Variants in CENPP observed in about 807,000 individuals in gnomAD.
CENPP encodes the protein centromere protein P.
CENPP carries 24 observed loss-of-function variants against 35.6 expected under a neutral mutation model. That is an observed-to-expected ratio of 0.67 (90% CI 0.49 to 0.95). CENPP has a LOEUF of 0.95. Ranked by LOEUF, CENPP falls within the 40% of genes least tolerant of loss-of-function variation. The probability of loss-of-function intolerance (pLI) is 0.00; values close to 1 mark genes in which losing one functional copy is unlikely to be tolerated. For missense variants in CENPP, 332 were observed against 345.3 expected (o/e 0.96, Z 0.31); for synonymous variants, 120 against 125.5 (o/e 0.96, Z 0.29).
At chr9:92,562,205 T>TC (rs1430377542) in intron 5 of CENPP, among the ~76,000 whole-genome samples, 3 of 142,854 alleles carry the variant, frequency 2.1e-5, no homozygotes, top group East Asian at 4.0e-4. Flanking sequence ...TTTTTTTCTT[T>TC]TCTTTTTTTT....
rs753913660 is a variant in CENPP, at chr9:92,522,240, C to T, written c.565-89074C>T. ...TAGCTGGGATTACAGGTACATGCCACCACACCCGGCTAATTTTTTGTATTT... is the reference window on the plus strand; with the variant it reads ...TAGCTGGGATTACAGGTACATGCCATCACACCCGGCTAATTTTTTGTATTT... On this transcript the variant is annotated intron_variant, in intron 5 of 7. Coordinates refer to ENST00000375587, the MANE Select transcript of CENPP (RefSeq NM_001012267.3). 5.4e-4 allele frequency among the ~76,000 whole-genome samples: 82 copies of T among 152,020 alleles called. 1 individual carries two copies. Among genetic ancestry groups the T allele is most frequent in the Admixed American group, 2.6e-4 (4 of 15,254 alleles).
chr9:92,415,852 T>C (rs1843578246), intron 5 of CENPP, among the ~76,000 whole-genome samples: 1 of 146,462 alleles, frequency 6.8e-6, no homozygotes, highest in African/African-American at 2.5e-5. Flanking sequence ...TAAAAAAATA[T>C]ATATATATAA....
In CENPP at chr9:92,619,618, CCA is replaced by C. The variant is rs971124798; in HGVS notation, c.*6474_*6475del. The C allele has an allele frequency of 1.6e-5, 24 of 1,455,552 alleles. No individual in the cohort carries two copies. The Admixed American group carries it at 3.9e-4, about 24-fold the overall frequency. The allele number at this position is 1,455,552 out of a possible 1,614,324, so 90.2% of individuals were successfully genotyped here. A position where few individuals can be genotyped will look rare whatever the true frequency, so the allele number is the denominator to read the frequency against. On this transcript the variant is annotated 3_prime_UTR_variant, in exon 8 of 8. Coordinates refer to ENST00000375587, the MANE Select transcript of CENPP (RefSeq NM_001012267.3). ...GGTCACACAGGAAGCCTCTGCCCCC[CCA>C]CACAACCTTCCTTCCCAGTAGCCAA...
At chr9:92,460,179 C>T (rs1167279520) in intron 5 of CENPP, among the ~76,000 whole-genome samples, 7 of 151,374 alleles carry the variant, frequency 4.6e-5, no homozygotes, top group South Asian at 2.1e-4. Flanking sequence ...GGATTACAGG[C>T]GCCCTCCACC....
chr9:92,511,963 C>T, intron 5 of CENPP: 1 of 1,406,898 alleles, frequency 7.1e-7, no homozygotes. Flanking sequence ...CAATGCAAGT[C>T]ATAGTGAAGC....
intron 5 of CENPP, among the ~76,000 whole-genome samples, chr9:92,457,762 C>T (rs750059508): frequency 1.3e-5 from 2 of 149,488 alleles, no homozygotes; most frequent in East Asian, 3.9e-4. Flanking sequence ...CTCTCTCTCT[C>T]CAGATAGATA....
At chr9:92,385,848 A>G (rs761510551) in intron 5 of CENPP, 106 of 1,556,698 alleles carry the variant, frequency 6.8e-5, no homozygotes, top group Non-Finnish European at 8.8e-5. Context: ...TTCATATGCT[A>G]TATAATGGGT....
In CENPP at chr9:92,379,745, A is replaced by T; in HGVS notation, c.468-18A>T. 1 of 1,527,766 alleles carries T rather than the reference A, an allele frequency of 6.5e-7. No individual in the cohort carries two copies. The highest frequency in any genetic ancestry group is 9.1e-7 in the Non-Finnish European group (1 of 1,104,332). 94.6% of individuals were successfully genotyped at this position (1,527,766 alleles called of 1,614,324 possible). A position where few individuals can be genotyped will look rare whatever the true frequency, so the allele number is the denominator to read the frequency against. On this transcript the variant is annotated intron_variant, in intron 4 of 7. Transcript: ENST00000375587. ...ATTTAATGATATTTATTAATCAGAGAATCATTTATTCCTACAGAGCAGAAG... is the reference window on the plus strand; with the variant it reads ...ATTTAATGATATTTATTAATCAGAGTATCATTTATTCCTACAGAGCAGAAG...
At chr9:92,512,702 T>G (rs1489671146) in intron 5 of CENPP, among the ~76,000 whole-genome samples, 2 of 152,230 alleles carry the variant, frequency 1.3e-5, no homozygotes, top group Non-Finnish European at 2.9e-5. Flanking sequence ...AGGTTTTTGT[T>G]TTAACATTTA....
intron 4 of CENPP, among the ~76,000 whole-genome samples, chr9:92,364,894 G>T (rs866544740): frequency 2.6e-5 from 4 of 152,182 alleles, no homozygotes; most frequent in African/African-American, 9.7e-5. Flanking sequence ...ACCTAGGAGA[G>T]TGCCTTGTAC....
chr9:92,532,236 T>G (rs576282240), intron 5 of CENPP, among the ~76,000 whole-genome samples: 2 of 151,952 alleles, frequency 1.3e-5, no homozygotes, highest in African/African-American at 4.8e-5. Flanking sequence ...ATTTTTTCAC[T>G]TTTAAAAGTA....
intron 5 of CENPP, among the ~76,000 whole-genome samples, chr9:92,558,271 C>T (rs534914815): frequency 5.3e-5 from 8 of 152,198 alleles, no homozygotes; most frequent in Non-Finnish European, 1.2e-4. Flanking sequence ...TAGGTAGGTT[C>T]TATCAGAGGG....
intron 5 of CENPP, among the ~76,000 whole-genome samples, chr9:92,402,611 C>T (rs1164185966): frequency 2.0e-5 from 3 of 152,300 alleles, no homozygotes; most frequent in South Asian, 2.1e-4. Flanking sequence ...TGTGGTATAA[C>T]GTCACCCTTG....
At chr9:92,541,242 G>A (rs576454515) in intron 5 of CENPP, among the ~76,000 whole-genome samples, 2 of 152,298 alleles carry the variant, frequency 1.3e-5, no homozygotes, top group Admixed American at 6.5e-5. Flanking sequence ...CTGGGTGACA[G>A]AGCGAGACTC....
chr9:92,448,516 C>G lies in CENPP; in HGVS notation c.564+68657C>G, dbSNP rs1194452883. Among the ~76,000 whole-genome samples, 4 of 151,920 alleles carry G rather than the reference C, an allele frequency of 2.6e-5. No individual in the cohort carries two copies. The East Asian group carries it at 7.7e-4, about 29-fold the overall frequency. On this transcript the variant is annotated intron_variant, in intron 5 of 7. Transcript: ENST00000375587. ...GAACTCCTGAGGGTTAGGGGTTTTT[C>G]AAAGGCAGTTTTGGAGAAGTGGTCA... is the stretch of plus-strand genomic sequence containing the variant.
At chr9:92,418,024 G>A (rs1482052433) in intron 5 of CENPP, among the ~76,000 whole-genome samples, 2 of 151,934 alleles carry the variant, frequency 1.3e-5, no homozygotes, top group East Asian at 3.9e-4. Flanking sequence ...CACCACGCCT[G>A]GCCTCAAACC....
chr9:92,432,678 AAAATTATATACACGATTAAAAAATT>A (rs1332844865), intron 5 of CENPP, among the ~76,000 whole-genome samples: 1 of 152,238 alleles, frequency 6.6e-6, no homozygotes, highest in African/African-American at 2.4e-5. Context: ...GCAAAGTCCC[AAAATTATATACACGATTAAAAAATT>A]ATTTTCTACA....
chr9:92,552,152 GATCT>G (rs1459533212), intron 5 of CENPP, among the ~76,000 whole-genome samples: 3 of 138,480 alleles, frequency 2.2e-5, no homozygotes, highest in Non-Finnish European at 4.6e-5. Flanking sequence ...TGATATGATA[GATCT>G]ATCATATATA....
At chr9:92,373,532 A>T (rs1187045990) in intron 4 of CENPP, among the ~76,000 whole-genome samples, 1 of 152,070 alleles carries the variant, frequency 6.6e-6, no homozygotes, top group East Asian at 1.9e-4. Flanking sequence ...CTTCTTTAAA[A>T]ATTAATGTTT....
Sources: gnomAD v4.1 joint callset for allele counts (sites outside exome capture counted in the v4.1 genomes callset) on GRCh38, gnomAD v4.1.1 for gene constraint, MANE v1.5 for transcripts, NCBI Gene and HGNC (gene_info 2026-07-23, HGNC 2026-07-21) for gene names.